The following SPATA13 variants were observed in gnomAD, a reference collection of about 807,000 sequenced individuals.
SPATA13 encodes spermatogenesis-associated protein 13.
SPATA13 carries 50 observed loss-of-function variants against 104.0 expected under a neutral mutation model. That is an observed-to-expected ratio of 0.48 (90% CI 0.38 to 0.61). The LOEUF is 0.61. Among genes scored for constraint, SPATA13 ranks in the 20% least tolerant of loss-of-function variants. The probability of loss-of-function intolerance (pLI) is 0.00; values close to 1 mark genes in which losing one functional copy is unlikely to be tolerated. For missense variants in SPATA13, 1,524 were observed against 1,690.6 expected, an observed-to-expected ratio of 0.90 and a Z score of 1.73; for synonymous variants, 606 against 667.5, an observed-to-expected ratio of 0.91 and a Z score of 1.42.
chr13:24,014,879 A>ATTTTTTTTTT lies in SPATA13; in HGVS notation c.-146-2768_-146-2759dup, dbSNP rs10566756. ...AGGTTCCCTTTTTGGCACTTTCTGG[A>ATTTTTTTTTT]TTTTTTTTTTTTTTTTTTTTTTTTT... On this transcript the variant is annotated intron_variant, in intron 2 of 14. Coordinates refer to the SPATA13 transcript ENST00000424834. Among the ~76,000 whole-genome samples the ATTTTTTTTTT allele has an allele frequency of 1.8e-4, 14 of 78,698 alleles. 2 individuals carry two copies. The highest frequency in any genetic ancestry group is 2.6e-4 in the Non-Finnish European group (11 of 42,032). 51.6% of individuals were successfully genotyped at this position (78,698 alleles called of 152,430 possible).
Position 24,284,429 on chromosome 13 carries a change from G to A in SPATA13, c.2301+158G>A, listed in dbSNP as rs57425747. ...ACTGTGATTCACTTTGGAAGGCCAA[G>A]GCAGGTGGATCATTAGTGGTCAAGA... On this transcript the variant is annotated intron_variant, in intron 5 of 12. Transcript: ENST00000382108. Among the ~76,000 whole-genome samples the A allele has an allele frequency of 4.0e-3, 606 of 152,310 alleles. 5 individuals carry two copies. Among genetic ancestry groups the A allele is most frequent in the African/African-American group, 0.014 (578 of 41,578 alleles).
chr13:24,190,924 A>G (rs1310914076), intron 1 of SPATA13, among the ~76,000 whole-genome samples: 1 of 152,188 alleles, frequency 6.6e-6, no homozygotes, highest in Non-Finnish European at 1.5e-5. Flanking sequence ...TCCTATATGA[A>G]GGAAGAGTCA....
Position 24,142,750 on chromosome 13 carries a change from C to T in SPATA13, c.-111-80069C>T, listed in dbSNP as rs750346890. ...CTTTTTCTCCTTCTCCTTCTCCTGG[C>T]GTTTTATATTCTTTTTCTTTCTCAG... On this transcript the variant is annotated intron_variant, in intron 3 of 14. Transcript: ENST00000424834. Among the ~76,000 whole-genome samples the T allele has an allele frequency of 2.0e-5, 3 of 151,728 alleles. No homozygotes were observed. In the South Asian group the frequency reaches 6.3e-4, roughly 32 times the overall value.
intron 2 of SPATA13, chr13:24,224,931 A>G (rs1247644371): frequency 2.7e-6 from 1 of 367,546 alleles, no homozygotes; most frequent in African/African-American, 2.1e-5. Context: ...TCTGACTCAT[A>G]TCTTTCTTCT....
intron 1 of SPATA13, among the ~76,000 whole-genome samples, chr13:24,190,504 T>C (rs1216498989): frequency 6.8e-6 from 1 of 148,042 alleles, no homozygotes; most frequent in African/African-American, 2.5e-5. Context: ...CAGGAGGAGG[T>C]AAAAATACCA....
At chr13:24,259,990 C>T (rs1272098352) in intron 4 of SPATA13, among the ~76,000 whole-genome samples, 4 of 152,052 alleles carry the variant, frequency 2.6e-5, no homozygotes, top group East Asian at 1.9e-4. Flanking sequence ...TCCTTGATTT[C>T]GATCCATTTA....
intron 1 of SPATA13, among the ~76,000 whole-genome samples, chr13:24,173,001 A>G (rs189723672): frequency 6.6e-6 from 1 of 152,310 alleles, no homozygotes; most frequent in Admixed American, 6.5e-5. Context: ...GGCTTTCAGC[A>G]CACAGGTTTC....
intron 1 of SPATA13, among the ~76,000 whole-genome samples, chr13:24,209,302 C>T (rs1870886011): frequency 6.6e-6 from 1 of 152,158 alleles, no homozygotes; most frequent in South Asian, 2.1e-4. Flanking sequence ...AGGTGTAAGA[C>T]TTTAATTTCA....
chr13:24,283,131 TTC>T (rs971653196), intron 4 of SPATA13, among the ~76,000 whole-genome samples: 2 of 152,200 alleles, frequency 1.3e-5, no homozygotes, highest in Non-Finnish European at 2.9e-5. Flanking sequence ...CATCGCACTG[TTC>T]TGAGTCGCCT....
chr13:24,255,432 C>T (rs75298853), intron 4 of SPATA13, among the ~76,000 whole-genome samples: 2,312 of 152,188 alleles, frequency 0.015, 56 homozygotes, highest in Admixed American at 0.047. Context: ...TGGAATCACT[C>T]ATCTGTTTTG....
chr13:24,091,339 A>G (rs1040659802), intron 3 of SPATA13, among the ~76,000 whole-genome samples: 1 of 152,222 alleles, frequency 6.6e-6, no homozygotes, highest in African/African-American at 2.4e-5. Context: ...CTCATTCCCT[A>G]GTATTTCCTT....
At chr13:24,270,721 A>G in intron 4 of SPATA13, 1 of 1,525,504 alleles carries the variant, frequency 6.6e-7, no homozygotes, top group Non-Finnish European at 8.8e-7. Flanking sequence ...GAACGCATAC[A>G]ACGTCAAAGC....
chr13:23,998,287 G>T (rs1237317591), intron 2 of SPATA13, among the ~76,000 whole-genome samples: 1 of 152,156 alleles, frequency 6.6e-6, no homozygotes, highest in Non-Finnish European at 1.5e-5. Flanking sequence ...GTATGTAGTG[G>T]TATCTTGGAG....
intron 3 of SPATA13, among the ~76,000 whole-genome samples, chr13:24,101,811 T>A (rs994725869): frequency 6.6e-6 from 1 of 152,204 alleles, no homozygotes; most frequent in African/African-American, 2.4e-5. Flanking sequence ...ATGACAAAAT[T>A]GTCTTCTTTC....
intron 2 of SPATA13, among the ~76,000 whole-genome samples, chr13:23,991,799 C>T (rs779329496): frequency 5.9e-5 from 9 of 151,848 alleles, no homozygotes; most frequent in Non-Finnish European, 1.3e-4. Flanking sequence ...GGCAGGTGGG[C>T]TGGGGTTGGG....
intron 2 of SPATA13, among the ~76,000 whole-genome samples, chr13:24,013,319 C>T (rs1204544697): frequency 6.6e-6 from 1 of 152,216 alleles, no homozygotes; most frequent in African/African-American, 2.4e-5. Flanking sequence ...TGCCCACTGC[C>T]AGCCCGTTCC....
intron 2 of SPATA13, among the ~76,000 whole-genome samples, chr13:24,010,429 T>G (rs753195648): frequency 1.3e-5 from 2 of 151,892 alleles, no homozygotes; most frequent in Non-Finnish European, 2.9e-5. Context: ...GGAGTTTCCT[T>G]GTGGGCATAT....
intron 4 of SPATA13, among the ~76,000 whole-genome samples, chr13:24,281,833 G>T (rs185391183): frequency 6.6e-6 from 1 of 152,146 alleles, no homozygotes; most frequent in African/African-American, 2.4e-5. Flanking sequence ...GAGAGGCGCC[G>T]CTGGCAGCAC....
intron 3 of SPATA13, chr13:24,034,970 A>C (rs1033776572): frequency 1.3e-5 from 2 of 152,218 alleles, no homozygotes; most frequent in African/African-American, 4.8e-5. Context: ...GTTCAAAGCA[A>C]CTGTGGCCAT....
Sources: allele counts gnomAD v4.1 joint callset (sites outside exome capture counted in the v4.1 genomes callset), GRCh38; gene constraint gnomAD v4.1.1; transcripts MANE v1.5; gene names NCBI Gene and HGNC (gene_info 2026-07-23, HGNC 2026-07-21).